The following RYR1 variants were observed in gnomAD, a reference collection of about 807,000 sequenced individuals.
RYR1 encodes the protein ryanodine receptor 1, also known as central core disease of muscle.
In RYR1, 342 loss-of-function variants were observed where a neutral mutation model predicts 583.5. The observed-to-expected ratio is 0.59, with a 90% CI of 0.54 to 0.64. RYR1 has a LOEUF of 0.64. RYR1 is among the 30% of genes least tolerant of loss of function. RYR1 has a pLI of 0.00. For synonymous variants in RYR1, 2,791 were observed against 2,822.5 expected (o/e 0.99, Z 0.35); for missense variants, 6,032 against 6,917.2 (o/e 0.87, Z 4.54).
intron 90 of RYR1, among the ~76,000 whole-genome samples, chr19:38,562,797 G>A (rs181585093): frequency 4.6e-4 from 70 of 152,280 alleles, no homozygotes; most frequent in Non-Finnish European, 7.9e-4. Flanking sequence ...TGAGCCTCTC[G>A]TGGTTGCACA....
intron 34 of RYR1, among the ~76,000 whole-genome samples, chr19:38,488,292 A>T (rs1304101341): frequency 6.6e-6 from 1 of 151,434 alleles, no homozygotes; most frequent in Admixed American, 6.6e-5. Context: ...TCATCCATCC[A>T]CCCATCATCT....
chr19:38,483,429 CGAG>C lies in RYR1; in HGVS notation c.4849_4851del (p.Arg1618del). ...CCCAACCACTTCCTGCAGGTGGAGA[CGAG>C]GCGTGCCGGCGAGCGGCTGGGCTGG... On this transcript the variant is annotated inframe_deletion, in exon 33 of 106. Transcript: ENST00000359596. The surrounding 1 kb of genome is among the most constrained non-coding windows in gnomAD (Gnocchi z 6.3). 6.3e-7 allele frequency: 1 copy of C among 1,576,670 alleles called. No individual in the cohort carries two copies. The highest frequency in any genetic ancestry group is 8.6e-7 in the Non-Finnish European group (1 of 1,163,302).
Position 38,476,126 on chromosome 19 carries a change from G to A in RYR1, c.4293+676G>A, listed in dbSNP as rs529623388. On this transcript the variant is annotated intron_variant, in intron 29 of 105. Transcript: ENST00000359596. ...AAACCTCTGCCTCCTGGGTTCAAAC[G>A]ATTCTCCTGCCTCAGCCTCCTGAGC... is the stretch of plus-strand genomic sequence containing the variant. Among the ~76,000 whole-genome samples the A allele has an allele frequency of 2.0e-5, 3 of 152,170 alleles. No homozygotes were observed. The East Asian group carries it at 5.8e-4, about 29-fold the overall frequency.
chr19:38,502,770 GGGGCAGGGGCAGGGGC>G, intron 48 of RYR1, 43 bp downstream of exon 48: 1 of 1,033,076 alleles, frequency 9.7e-7, no homozygotes, highest in Non-Finnish European at 1.4e-6. Context: ...GGCAGGGGCA[GGGGCAGGGGCAGGGGC>G]AGGGGCAGGG....
intron 27 of RYR1, among the ~76,000 whole-genome samples, chr19:38,471,691 A>C (rs1968427027): frequency 6.6e-6 from 1 of 152,070 alleles, no homozygotes; most frequent in Non-Finnish European, 1.5e-5. Context: ...ACCTGAGGTC[A>C]GGAGTTCGAG....
Position 38,485,926 on chromosome 19 carries a change from C to A in RYR1, c.5271C>A (p.His1757Gln), listed in dbSNP as rs538148538. The A allele has an allele frequency of 1.3e-5, 21 of 1,613,686 alleles. No homozygotes were observed. The highest frequency in any genetic ancestry group is 1.8e-5 in the Non-Finnish European group (21 of 1,179,966). Residue 1757 changes from histidine to glutamine, a missense_variant, in exon 34 of 106, where the codon CAC (histidine) becomes CAA (glutamine). Around this residue, in one of 11 missense-constraint regions of RYR1, gnomAD observed 2,627 missense variants for 2,961.3 expected, o/e 0.89. Coordinates refer to ENST00000359596, the MANE Select transcript of RYR1 (RefSeq NM_000540.3). ...FPPGRSTENG[H>Q]PRHGLPGVGV... ...CTGGAAGGAGCACAGAAAATGGTCACCCCCGGCATGGCCTGCCGGGAGTTG... is the reference window on the plus strand; with the variant it reads ...CTGGAAGGAGCACAGAAAATGGTCAACCCCGGCATGGCCTGCCGGGAGTTG...
At chr19:38,522,908 A>T in intron 67 of RYR1, 120 bp from the exon 68 acceptor site, 2 of 824,822 alleles carry the variant, frequency 2.4e-6, no homozygotes, top group Non-Finnish European at 4.0e-6. Context: ...GACCCTAGAA[A>T]CCCCATCCCT....
rs759157419 is a variant in RYR1 at position 38,506,379 on chromosome 19, TGA to T, written c.8616+6_8616+7del. 6 of 1,613,224 alleles carry T rather than the reference TGA, an allele frequency of 3.7e-6. No homozygotes were observed. Among genetic ancestry groups the T allele is most frequent in the Non-Finnish European group, 5.1e-6 (6 of 1,179,730 alleles). On this transcript the variant is annotated splice_donor_region_variant and intron_variant, in intron 55 of 105. Coordinates refer to ENST00000359596, the MANE Select transcript of RYR1 (RefSeq NM_000540.3). The stretch of plus-strand genomic sequence containing the variant: ...GTTACCCTGTCCCGGGAGCTGCAGG[TGA>T]GAGCCCTGATCCTTTTGGGGGGACA...
In RYR1 at chr19:38,565,499, G is replaced by A. The variant is rs774812209; in HGVS notation, c.13165G>A (p.Asp4389Asn). The A allele has an allele frequency of 1.1e-5, 16 of 1,505,192 alleles. No homozygotes were observed. Among genetic ancestry groups the A allele is most frequent in the East Asian group, 2.7e-5 (1 of 37,004 alleles). 93.2% of individuals were successfully genotyped at this position (1,505,192 alleles called of 1,614,324 possible). A position where few individuals can be genotyped will look rare whatever the true frequency, so the allele number is the denominator to read the frequency against. ...GGCAGGCATGCCCGACCCCACCAGC[G>A]ACGAGGTGCACGGCGAGCAGCCGGC... ...LLAGMPDPTS[D>N]EVHGEQPAGP... The change falls in exon 91 of 106, where the codon GAC becomes AAC. Residue 4389 changes from aspartate to asparagine, a missense_variant. Transcript: ENST00000359596. This position sits in a 1 kb window ranked among gnomAD's most constrained non-coding sequence, Gnocchi z 4.7.
chr19:38,536,132 C>A, intron 82 of RYR1, 62 bp downstream of exon 82: 1 of 1,404,776 alleles, frequency 7.1e-7, no homozygotes, highest in Non-Finnish European at 9.7e-7. Flanking sequence ...TCCTCCCACC[C>A]CACCCCCACC....
chr19:38,468,918 T>G (rs1228488877), intron 25 of RYR1, 48 bp from the exon 26 acceptor site: 1 of 1,597,550 alleles, frequency 6.3e-7, no homozygotes, highest in African/African-American at 1.3e-5. Context: ...ATCTCTCCAT[T>G]TCTCTGTGTG....
chr19:38,571,318 C>T (rs572030463), intron 94 of RYR1, among the ~76,000 whole-genome samples: 22 of 152,274 alleles, frequency 1.4e-4, no homozygotes, highest in Non-Finnish European at 1.5e-5. Context: ...AATGGAATAC[C>T]TCTTAGAGCT....
At chr19:38,434,162 C>T (rs1053044906) in intron 1 of RYR1, among the ~76,000 whole-genome samples, 6 of 152,040 alleles carry the variant, frequency 3.9e-5, no homozygotes, top group Non-Finnish European at 7.4e-5. Flanking sequence ...GGGAGCACAC[C>T]CTCACACCAT....
chr19:38,476,858 G>A (rs1340973908), intron 29 of RYR1, among the ~76,000 whole-genome samples: 1 of 152,072 alleles, frequency 6.6e-6, no homozygotes, highest in Non-Finnish European at 1.5e-5. Flanking sequence ...GGAGGATGAA[G>A]TGAGTTAATC....
intron 84 of RYR1, among the ~76,000 whole-genome samples, chr19:38,539,761 TGAG>T (rs1357251072): frequency 6.6e-6 from 1 of 152,178 alleles, no homozygotes; most frequent in African/African-American, 2.4e-5. Flanking sequence ...TTGCATGTCT[TGAG>T]GAGTCAGTGC....
At chr19:38,507,072 GA>G (rs1970491462) in intron 57 of RYR1, 120 bp downstream of exon 57, 1 of 1,486,890 alleles carries the variant, frequency 6.7e-7, no homozygotes, top group Non-Finnish European at 9.1e-7. Context: ...AGCAAAGATG[GA>G]ACCAGAGGGG....
chr19:38,533,306 A>G (rs1382413270), intron 78 of RYR1, among the ~76,000 whole-genome samples: 2 of 152,206 alleles, frequency 1.3e-5, no homozygotes, highest in African/African-American at 2.4e-5. Flanking sequence ...GTTAGCAAGC[A>G]TTTACTTCAT....
chr19:38,461,033 T>C (rs749355012), intron 20 of RYR1, among the ~76,000 whole-genome samples: 13 of 152,110 alleles, frequency 8.5e-5, no homozygotes, highest in Non-Finnish European at 1.8e-4. Flanking sequence ...GGCAGGTGCC[T>C]GTAATCCCAG....
At chr19:38,475,481 C>G (rs777863874) in intron 29 of RYR1, 31 bp downstream of exon 29, 1 of 1,611,788 alleles carries the variant, frequency 6.2e-7, no homozygotes, top group Non-Finnish European at 8.5e-7. Context: ...ATTTTGGGGT[C>G]CCCCCGCATA....
Sources: gnomAD v4.1 joint callset for allele counts (sites outside exome capture counted in the v4.1 genomes callset) on GRCh38, gnomAD v4.1.1 for gene constraint, gnomAD v4.1.1 regional missense constraint, Gnocchi (gnomAD v3.1) non-coding constraint, MANE v1.5 for transcripts, NCBI Gene and HGNC (gene_info 2026-07-23, HGNC 2026-07-21) for gene names.